RASSF3: variants seen among roughly 807,000 people sequenced by gnomAD.
The protein encoded by RASSF3 is ras association domain-containing protein 3.
In RASSF3, 19 loss-of-function variants were observed where a neutral mutation model predicts 19.9. The observed-to-expected ratio is 0.96, with a 90% CI of 0.67 to 1.40. RASSF3 has a LOEUF of 1.40. Among genes scored for constraint, RASSF3 ranks in the 40% most tolerant of loss-of-function variants. RASSF3 has a pLI of 0.00. For synonymous variants in RASSF3, 110 were observed against 104.2 expected (o/e 1.06, Z -0.34); for missense variants, 306 against 289.8 (o/e 1.06, Z -0.41).
Position 64,688,303 on chromosome 12 carries a change from T to C in RASSF3, c.307T>C (p.Ser103Pro). The C allele has an allele frequency of 6.2e-7, 1 of 1,614,066 alleles. No individual in the cohort carries two copies. Among genetic ancestry groups the C allele is most frequent in the Non-Finnish European group, 8.5e-7 (1 of 1,179,982 alleles). Reference protein sequence around the residue: ...PQTSPNSGKLSPSSNGCMNTL... With the variant: ...PQTSPNSGKLPPSSNGCMNTL... ...GACTTCTCCAAATTCTGGAAAACTC[T>C]CTCCCAGTAGCAATGGCTGTATGAA... is the stretch of plus-strand genomic sequence containing the variant. Residue 103 changes from serine (S) to proline (P), a missense_variant, in exon 3 of 5, where the codon TCT becomes CCT. Coordinates refer to ENST00000542104, the MANE Select transcript of RASSF3 (RefSeq NM_178169.4).
intron 2 of RASSF3, among the ~76,000 whole-genome samples, chr12:64,585,174 G>T (rs1270718662): frequency 6.6e-6 from 1 of 151,992 alleles, no homozygotes; most frequent in Non-Finnish European, 1.5e-5. Context: ...ATGAGCCACC[G>T]CACCCGGCCA....
At chr12:64,564,076 A>G (rs1267202111) in intron 2 of RASSF3, among the ~76,000 whole-genome samples, 1 of 152,158 alleles carries the variant, frequency 6.6e-6, no homozygotes, top group Non-Finnish European at 1.5e-5. Flanking sequence ...CCTTATAGCT[A>G]ATGTCATTGC....
intron 2 of RASSF3, among the ~76,000 whole-genome samples, chr12:64,585,120 A>G (rs1592408616): frequency 1.3e-5 from 2 of 152,012 alleles, no homozygotes; most frequent in Non-Finnish European, 1.5e-5. Flanking sequence ...TCTTGACCTC[A>G]TGATCTGCCT....
chr12:64,682,160 C>T (rs754116954), intron 1 of RASSF3, among the ~76,000 whole-genome samples: 1 of 152,164 alleles, frequency 6.6e-6, no homozygotes, highest in Admixed American at 6.5e-5. Context: ...ACTTTGAAGC[C>T]TACCCCTGAA....
chr12:64,594,011 CAAAAA>C (rs34463362), intron 2 of RASSF3, among the ~76,000 whole-genome samples: 2 of 45,972 alleles, frequency 4.4e-5, no homozygotes, highest in Admixed American at 3.5e-4. Context: ...GACTCTGTCT[CAAAAA>C]AAAAAAAAAA....
Position 64,688,292 on chromosome 12 carries a change from C to G in RASSF3, c.296C>G (p.Ser99Cys). Residue 99 changes from serine to cysteine, a missense_variant, in exon 3 of 5, where the codon TCT becomes TGT. Transcript: ENST00000542104. The stretch of plus-strand genomic sequence containing the variant: ...AAACCTCCACAGACTTCTCCAAATT[C>G]TGGAAAACTCTCTCCCAGTAGCAAT... ...LCKPPQTSPN[S>C]GKLSPSSNGC... 7 of 1,614,150 alleles carry G rather than the reference C, an allele frequency of 4.3e-6. No individual in the cohort carries two copies. The highest frequency in any genetic ancestry group is 5.9e-6 in the Non-Finnish European group (7 of 1,179,984).
At chr12:64,522,732 T>C (rs192763269) in intron 1 of RASSF3, among the ~76,000 whole-genome samples, 41 of 152,328 alleles carry the variant, frequency 2.7e-4, no homozygotes, top group African/African-American at 9.9e-4. Context: ...ATTATCCTTT[T>C]GGCTATTGTC....
intron 2 of RASSF3, among the ~76,000 whole-genome samples, chr12:64,581,451 TG>T (rs1425689619): frequency 2.0e-5 from 3 of 152,228 alleles, no homozygotes; most frequent in Admixed American, 1.3e-4. Flanking sequence ...TTTTCAAGCC[TG>T]TAAGCCCAGC....
intron 1 of RASSF3, among the ~76,000 whole-genome samples, chr12:64,644,310 T>C (rs967002483): frequency 1.1e-4 from 16 of 152,064 alleles, no homozygotes; most frequent in African/African-American, 3.4e-4. Context: ...GCCTAGAGCG[T>C]AGCTTGAATT....
At chr12:64,664,906 A>C (rs1057506837) in intron 1 of RASSF3, among the ~76,000 whole-genome samples, 1 of 152,210 alleles carries the variant, frequency 6.6e-6, no homozygotes, top group Non-Finnish European at 1.5e-5. Flanking sequence ...TTATACTTCT[A>C]AAACTATTGA....
intron 1 of RASSF3, among the ~76,000 whole-genome samples, chr12:64,517,730 C>T (rs1226993997): frequency 3.3e-5 from 5 of 151,640 alleles, no homozygotes; most frequent in Non-Finnish European, 7.4e-5. Flanking sequence ...GCGATCCTCC[C>T]ACCTCAGCCT....
intron 1 of RASSF3, among the ~76,000 whole-genome samples, chr12:64,648,939 A>G (rs1871839595): frequency 6.7e-6 from 1 of 150,124 alleles, no homozygotes; most frequent in Admixed American, 6.7e-5. Context: ...CCGAGTAGCT[A>G]GGACTATAGG....
intron 1 of RASSF3, among the ~76,000 whole-genome samples, chr12:64,519,890 T>C (rs567330151): frequency 6.6e-6 from 1 of 152,196 alleles, no homozygotes; most frequent in East Asian, 1.9e-4. Context: ...AGAGTAGCAT[T>C]GTGGCTAAAA....
At chr12:64,638,546 C>T (rs915516248) in intron 1 of RASSF3, among the ~76,000 whole-genome samples, 1 of 148,114 alleles carries the variant, frequency 6.8e-6, no homozygotes, top group African/African-American at 2.5e-5. Context: ...CGCCACTGCA[C>T]TGCAGCCTGG....
At chr12:64,544,567 G>A (rs1424420618), downstream of RASSF3, among the ~76,000 whole-genome samples, 1 of 151,934 alleles carries the variant, frequency 6.6e-6, no homozygotes, top group African/African-American at 2.4e-5. Flanking sequence ...CAGTGAGCTG[G>A]GACCCGCACC....
intron 3 of RASSF3, 73 bp from the exon 4 acceptor site, chr12:64,691,397 G>A: frequency 1.0e-6 from 1 of 983,556 alleles, no homozygotes; most frequent in Non-Finnish European, 1.6e-6. Flanking sequence ...ATCTGGAGGA[G>A]GGGATCACAA....
chr12:64,683,997 AGAGAGAGAGAGAGTGAGTGTGTGT>A (rs1440347674), intron 1 of RASSF3, among the ~76,000 whole-genome samples: 1 of 96,526 alleles, frequency 1.0e-5, no homozygotes. Context: ...AAGGAGAGAG[AGAGAGAGAGAGAGTGAGTGTGTGT>A]GTGTGTGTGT....
At chr12:64,610,918 G>C (rs1870332904) in intron 1 of RASSF3, among the ~76,000 whole-genome samples, 175 bp downstream of exon 1, 1 of 152,176 alleles carries the variant, frequency 6.6e-6, no homozygotes, top group Admixed American at 6.5e-5. Context: ...CGTGCCTGGA[G>C]CTTGTGCGTG....
At chr12:64,567,738 G>A (rs763888696) in intron 2 of RASSF3, among the ~76,000 whole-genome samples, 6 of 152,214 alleles carry the variant, frequency 3.9e-5, no homozygotes, top group Non-Finnish European at 5.9e-5. Context: ...AGTCTCACAA[G>A]TCGCACTGAT....
Sources: allele counts gnomAD v4.1 joint callset (sites outside exome capture counted in the v4.1 genomes callset), GRCh38; gene constraint gnomAD v4.1.1; transcripts MANE v1.5; gene names NCBI Gene and HGNC (gene_info 2026-07-23, HGNC 2026-07-21).